Variants in DPRX observed in about 807,000 individuals in gnomAD.
The protein encoded by DPRX is divergent paired-related homeobox.
A neutral mutation model predicts 8.4 loss-of-function variants in DPRX; 11 were observed. The observed-to-expected ratio is 1.31, with a 90% confidence interval of 0.82 to 2.17. The LOEUF (loss-of-function observed/expected upper bound fraction) is 2.17, where lower values mean the gene tolerates loss of function less well. Ranked by LOEUF, DPRX falls within the 30% of genes most tolerant of loss-of-function variation. DPRX has a pLI of 0.00. For synonymous variants in DPRX, 72 were observed against 87.0 expected (o/e 0.83, Z 0.96); for missense variants, 211 against 236.7 (o/e 0.89, Z 0.71).
the DPRX span, among the ~76,000 whole-genome samples, chr19:53,601,629 A>C: frequency 4.0e-5 from 6 of 151,780 alleles, no homozygotes; most frequent in East Asian, 1.9e-4. Flanking sequence ...TTACCGGCAC[A>C]CACCACCATG....
the DPRX span, among the ~76,000 whole-genome samples, chr19:53,610,593 G>A: frequency 1.3e-5 from 2 of 149,134 alleles, no homozygotes; most frequent in African/African-American, 2.5e-5. Context: ...TGAAGCTGGA[G>A]CTCTGCCGGG....
chr19:53,625,798 C>T, the DPRX span, among the ~76,000 whole-genome samples: 35 of 151,972 alleles, frequency 2.3e-4, no homozygotes, highest in Admixed American at 1.2e-3. Context: ...TCACCGCACC[C>T]GGCTAATTTT....
intron 1 of DPRX, among the ~76,000 whole-genome samples, chr19:53,634,293 T>C (rs1050747606): frequency 6.6e-6 from 1 of 152,104 alleles, no homozygotes; most frequent in Non-Finnish European, 1.5e-5. Flanking sequence ...TATCCGGGCA[T>C]GGTGGCGTGC....
At chr19:53,630,212 CAA>C (rs35045422), upstream of DPRX, among the ~76,000 whole-genome samples, 3 of 111,734 alleles carry the variant, frequency 2.7e-5, no homozygotes. Context: ...GACTCCATCT[CAA>C]AAAAAAAAAA....
At chr19:53,611,154 G>T in the DPRX span, among the ~76,000 whole-genome samples, 1 of 151,954 alleles carries the variant, frequency 6.6e-6, no homozygotes, top group Non-Finnish European at 1.5e-5. Flanking sequence ...CAACTGCCTC[G>T]GCCTCTGAAA....
intron 1 of DPRX, among the ~76,000 whole-genome samples, chr19:53,633,675 A>G (rs910643729): frequency 2.0e-5 from 3 of 151,962 alleles, no homozygotes; most frequent in Non-Finnish European, 2.9e-5. Flanking sequence ...ACGCCCAGCT[A>G]ATTTTTGTAC....
chr19:53,632,206 G>GC, intron 1 of DPRX, 72 bp downstream of exon 1: 1 of 1,609,490 alleles, frequency 6.2e-7, no homozygotes. Context: ...GCGGGAAAAG[G>GC]CAGAGGGACC....
At chr19:53,617,191 A>G in the DPRX span, 5 of 982,794 alleles carry the variant, frequency 5.1e-6, no homozygotes, top group Non-Finnish European at 8.3e-6. Context: ...TCTGTGTCCT[A>G]TTGAGTTTTT....
At chr19:53,617,280 T>C in the DPRX span, 1 of 705,794 alleles carries the variant, frequency 1.4e-6, no homozygotes, top group East Asian at 2.6e-5. Context: ...GAAATCAGGC[T>C]GGGTGCAGTG....
At chr19:53,636,893 T>C (rs369622900) in exon 3 of DPRX, 6 of 1,614,176 alleles carry the variant, frequency 3.7e-6, no homozygotes, top group Non-Finnish European at 5.1e-6. Flanking sequence ...TCCTAATATA[T>C]ACTGCCTCTA....
chr19:53,626,494 C>T, the DPRX span, among the ~76,000 whole-genome samples: 1 of 152,182 alleles, frequency 6.6e-6, no homozygotes, highest in Admixed American at 6.6e-5. Flanking sequence ...GTCAAGGCTG[C>T]AGTGAGCTGG....
chr19:53,614,349 GGCAGCAATGA>G, the DPRX span, among the ~76,000 whole-genome samples: 1 of 152,120 alleles, frequency 6.6e-6, no homozygotes, highest in East Asian at 1.9e-4. Context: ...GGGAGTTTGA[GGCAGCAATGA>G]GCTATGCTCT....
At chr19:53,627,100 G>A (rs1163980733), upstream of DPRX, among the ~76,000 whole-genome samples, 1 of 152,150 alleles carries the variant, frequency 6.6e-6, no homozygotes, top group Non-Finnish European at 1.5e-5. Flanking sequence ...TATTTGCGCA[G>A]TAGAAGGATT....
chr19:53,629,332 AAG>A (rs199749676), upstream of DPRX, among the ~76,000 whole-genome samples: 13,024 of 148,154 alleles, frequency 0.088, 691 homozygotes, highest in Middle Eastern at 0.15. Flanking sequence ...AAAAAAAAAA[AAG>A]AGGAATGAGA....
the DPRX span, among the ~76,000 whole-genome samples, chr19:53,622,904 C>A: frequency 3.9e-5 from 6 of 152,132 alleles, no homozygotes; most frequent in Non-Finnish European, 8.8e-5. Context: ...AGGGTCACAG[C>A]CCCTTATATT....
chr19:53,618,995 C>T, the DPRX span, among the ~76,000 whole-genome samples: 2 of 151,890 alleles, frequency 1.3e-5, no homozygotes, highest in African/African-American at 4.8e-5. Context: ...AGTCTTTTAT[C>T]CTTGTAACAG....
the DPRX span, chr19:53,617,107 C>T: frequency 0.026 from 31,977 of 1,253,850 alleles, 735 homozygotes; most frequent in Admixed American, 0.034. Context: ...GTTTAGGTTT[C>T]ATAATCCTGG....
Position 53,635,596 on chromosome 19 carries a change from GACTCAA to G in DPRX, c.183+916_183+921del, listed in dbSNP as rs1437533351. Among the ~76,000 whole-genome samples the G allele has an allele frequency of 1.1e-4, 16 of 151,890 alleles. 1 individual carries two copies. The East Asian group carries it at 3.1e-3, about 30-fold the overall frequency. On this transcript the variant is annotated intron_variant, in intron 2 of 2. Coordinates refer to ENST00000376650, the Ensembl canonical transcript of DPRX. Reference sequence around the variant, plus strand: ...GGGTTTCGTCATGTTGCCCAGGCTGGACTCAAACTCCTGAAATCAAGTGATCCACCC... The same window carrying G: ...GGGTTTCGTCATGTTGCCCAGGCTGGACTCCTGAAATCAAGTGATCCACCC...
At chr19:53,630,466 C>G (rs1463899137), upstream of DPRX, among the ~76,000 whole-genome samples, 3 of 151,744 alleles carry the variant, frequency 2.0e-5, no homozygotes, top group Non-Finnish European at 2.9e-5. Flanking sequence ...GTGAGAGGCT[C>G]ACCTAGGCCC....
Sources: allele counts gnomAD v4.1 joint callset (sites outside exome capture counted in the v4.1 genomes callset), GRCh38; gene constraint gnomAD v4.1.1; transcripts MANE v1.5; gene names NCBI Gene and HGNC (gene_info 2026-07-23, HGNC 2026-07-21).